ULK4: variants seen among roughly 807,000 people sequenced by gnomAD.
ULK4 encodes the protein inactive serine/threonine-protein kinase ULK4.
In ULK4, 133 loss-of-function variants were observed where a neutral mutation model predicts 160.6. The ratio of observed to expected loss-of-function variants is 0.83; its 90% CI spans 0.72 to 0.96. The LOEUF (loss-of-function observed/expected upper bound fraction) is 0.96. Ranked by LOEUF, ULK4 falls within the 40% of genes least tolerant of loss-of-function variation. The pLI, the probability that ULK4 is intolerant of heterozygous loss-of-function variation, is 0.00. For missense variants in ULK4, 1,580 were observed against 1,499.5 expected, an observed-to-expected ratio of 1.05 and a Z score of -0.89; for synonymous variants, 534 against 539.8, an observed-to-expected ratio of 0.99 and a Z score of 0.15.
At chr3:41,406,107 C>A (rs1043250890) in intron 34 of ULK4, among the ~76,000 whole-genome samples, 1 of 152,164 alleles carries the variant, frequency 6.6e-6, no homozygotes, top group Non-Finnish European at 1.5e-5. Context: ...TGAGGTCCTA[C>A]ATTTAAATCT....
chr3:41,287,033 T>G (rs540862994), intron 35 of ULK4, among the ~76,000 whole-genome samples: 1 of 152,248 alleles, frequency 6.6e-6, no homozygotes, highest in South Asian at 2.1e-4. Context: ...ACCCACCGAT[T>G]TGACAGAGAG....
chr3:41,438,198 C>T (rs975926776), intron 34 of ULK4, among the ~76,000 whole-genome samples: 3 of 151,128 alleles, frequency 2.0e-5, no homozygotes, highest in Admixed American at 6.6e-5. Context: ...CTAGAGTAAG[C>T]CCTTGCTGTT....
intron 17 of ULK4, among the ~76,000 whole-genome samples, chr3:41,844,903 T>A (rs1437713272): frequency 6.6e-6 from 1 of 151,406 alleles, no homozygotes; most frequent in Non-Finnish European, 1.5e-5. Context: ...CACACAAACA[T>A]CTGTAAATGG....
At chr3:41,332,282 T>C (rs2125741723) in intron 35 of ULK4, among the ~76,000 whole-genome samples, 1 of 152,246 alleles carries the variant, frequency 6.6e-6, no homozygotes, top group East Asian at 1.9e-4. Context: ...AAGCACCGAT[T>C]ATAAAGCAGA....
chr3:41,471,381 T>G (rs1371817695), intron 32 of ULK4, among the ~76,000 whole-genome samples: 1 of 152,146 alleles, frequency 6.6e-6, no homozygotes, highest in Non-Finnish European at 1.5e-5. Flanking sequence ...AATGGAGAGA[T>G]AGACTGCAAT....
At chr3:41,541,573 T>C (rs1298458165) in intron 32 of ULK4, among the ~76,000 whole-genome samples, 1 of 152,194 alleles carries the variant, frequency 6.6e-6, no homozygotes, top group African/African-American at 2.4e-5. Flanking sequence ...AAAAAGTCAA[T>C]GGTAGCTTGA....
At chr3:41,690,207 C>G (rs1370599200) in intron 27 of ULK4, among the ~76,000 whole-genome samples, 1 of 149,896 alleles carries the variant, frequency 6.7e-6, no homozygotes, top group Non-Finnish European at 1.5e-5. Flanking sequence ...AACCAAACAC[C>G]GCATATTCTC....
intron 35 of ULK4, among the ~76,000 whole-genome samples, chr3:41,291,391 G>C (rs1232590512): frequency 3.8e-5 from 1 of 26,186 alleles, no homozygotes; most frequent in Admixed American, 4.8e-4. Flanking sequence ...AGGAAGGAAG[G>C]AGAAAGAAAA....
At chr3:41,466,551 A>G (rs2083840590) in intron 32 of ULK4, among the ~76,000 whole-genome samples, 1 of 152,216 alleles carries the variant, frequency 6.6e-6, no homozygotes, top group Non-Finnish European at 1.5e-5. Flanking sequence ...ACATGCTAAA[A>G]TTAAAAAGGT....
At chr3:41,761,671 C>T (rs1029053981) in intron 21 of ULK4, among the ~76,000 whole-genome samples, 1 of 151,952 alleles carries the variant, frequency 6.6e-6, no homozygotes, top group Non-Finnish European at 1.5e-5. Flanking sequence ...ATGGAACATA[C>T]ATCTTTTACT....
chr3:41,514,211 C>T (rs2085677697), intron 32 of ULK4, among the ~76,000 whole-genome samples: 2 of 152,096 alleles, frequency 1.3e-5, no homozygotes, highest in Admixed American at 1.3e-4. Flanking sequence ...TCAAGAACCA[C>T]ACAGAGAACT....
chr3:41,265,628 T>C (rs1041679895), intron 35 of ULK4, among the ~76,000 whole-genome samples: 1 of 152,194 alleles, frequency 6.6e-6, no homozygotes, highest in Non-Finnish European at 1.5e-5. Context: ...GTGGCTGTTA[T>C]TTTTGTTGAG....
At chr3:41,571,818 A>T (rs1407713554) in intron 31 of ULK4, among the ~76,000 whole-genome samples, 2 of 152,116 alleles carry the variant, frequency 1.3e-5, no homozygotes, top group Non-Finnish European at 2.9e-5. Flanking sequence ...TCCAATCCTC[A>T]GAGCTCATTG....
At chr3:41,578,246 G>T (rs2088268465) in intron 31 of ULK4, among the ~76,000 whole-genome samples, 1 of 152,174 alleles carries the variant, frequency 6.6e-6, no homozygotes, top group Admixed American at 6.5e-5. Flanking sequence ...GTATGTTTAT[G>T]ATATGTTTAA....
intron 35 of ULK4, among the ~76,000 whole-genome samples, chr3:41,378,904 G>T (rs1257261703): frequency 6.6e-6 from 1 of 151,520 alleles, no homozygotes; most frequent in South Asian, 2.1e-4. Flanking sequence ...AGTCCTTTGT[G>T]GGGACATGGA....
At chr3:41,311,530 G>A (rs577177488) in intron 35 of ULK4, among the ~76,000 whole-genome samples, 96 of 152,084 alleles carry the variant, frequency 6.3e-4, no homozygotes, top group Non-Finnish European at 1.1e-3. Context: ...GCCTATTGTG[G>A]GACCTTGTAA....
rs373900251 is a variant in ULK4 at position 41,653,122 on chromosome 3, T to G, written c.3071+10485A>C. Among the ~76,000 whole-genome samples, 178 of 152,250 alleles carry G rather than the reference T, an allele frequency of 1.2e-3. 5 individuals are homozygous for G. In the South Asian group the frequency reaches 0.036, roughly 31 times the overall value. On this transcript the variant is annotated intron_variant, in intron 30 of 36. Transcript: ENST00000301831. Reference sequence around the variant, plus strand: ...AAAGAACTAGCCTTCGGGCATATCTTTCCAATGCAAACTAACCAATCCTTA... The same window carrying G: ...AAAGAACTAGCCTTCGGGCATATCTGTCCAATGCAAACTAACCAATCCTTA...
intron 35 of ULK4, among the ~76,000 whole-genome samples, chr3:41,310,250 C>T (rs2080024554): frequency 6.6e-6 from 1 of 152,186 alleles, no homozygotes; most frequent in Admixed American, 6.5e-5. Flanking sequence ...TGAATTAATA[C>T]ACAACAGTCC....
At chr3:41,344,906 C>T (rs994412726) in intron 35 of ULK4, among the ~76,000 whole-genome samples, 1 of 151,892 alleles carries the variant, frequency 6.6e-6, no homozygotes, top group Non-Finnish European at 1.5e-5. Flanking sequence ...GGTCTAATAT[C>T]CAGAGTCTAC....
Sources: allele counts gnomAD v4.1 joint callset (sites outside exome capture counted in the v4.1 genomes callset), GRCh38; gene constraint gnomAD v4.1.1; transcripts MANE v1.5; gene names NCBI Gene and HGNC (gene_info 2026-07-23, HGNC 2026-07-21).